OAS1: variants seen among roughly 807,000 people sequenced by gnomAD.
OAS1 encodes the protein 2'-5'-oligoadenylate synthetase 1.
In OAS1, 24 loss-of-function variants were observed where a neutral mutation model predicts 38.5. That is an observed-to-expected ratio of 0.62 (90% CI 0.45 to 0.88). OAS1 has a LOEUF of 0.88. Among genes scored for constraint, OAS1 ranks in the 40% least tolerant of loss-of-function variants. The pLI, the probability that OAS1 is intolerant of heterozygous loss-of-function variation, is 0.00. For missense variants in OAS1, 482 were observed against 493.9 expected (o/e 0.98, Z 0.23); for synonymous variants, 169 against 193.9 (o/e 0.87, Z 1.07).
chr12:112,910,689 A>C (rs2136301214), intron 2 of OAS1, among the ~76,000 whole-genome samples: 1 of 152,338 alleles, frequency 6.6e-6, no homozygotes, highest in East Asian at 1.9e-4. Flanking sequence ...TCCAGAGACC[A>C]GATCACACCA....
At chr12:112,912,614 CA>C (rs2043400792) in intron 3 of OAS1, among the ~76,000 whole-genome samples, 1 of 152,204 alleles carries the variant, frequency 6.6e-6, no homozygotes, top group Admixed American at 6.5e-5. Context: ...ACAAAAGCAG[CA>C]CTGCCCCCAG....
downstream of OAS1, among the ~76,000 whole-genome samples, chr12:112,924,602 A>G (rs10774676): frequency 0.74 from 113,055 of 151,992 alleles, 43,341 homozygotes; most frequent in African/African-American, 0.94. Flanking sequence ...GGTTTTTGTC[A>G]TATGTATTCC....
downstream of OAS1, chr12:112,932,489 A>T (rs2136336483): frequency 6.6e-6 from 1 of 152,652 alleles, no homozygotes. Context: ...GCTAATCAGG[A>T]GTCTGAGGCA....
At chr12:112,931,850 T>C in intron 6 of OAS1, 1 of 694,572 alleles carries the variant, frequency 1.4e-6, no homozygotes, top group Admixed American at 2.1e-5. Context: ...AATATGAGAG[T>C]GACACACACT....
chr12:112,927,954 C>T (rs2043570599), intron 6 of OAS1, among the ~76,000 whole-genome samples: 1 of 152,232 alleles, frequency 6.6e-6, no homozygotes, highest in African/African-American at 2.4e-5. Context: ...AAGACTGTAG[C>T]ATGCCTGAAG....
chr12:112,925,060 TAAA>T (rs1415874536), intron 6 of OAS1, among the ~76,000 whole-genome samples: 1 of 151,986 alleles, frequency 6.6e-6, no homozygotes, highest in East Asian at 1.9e-4. Flanking sequence ...AAAACAAAAC[TAAA>T]AAGAGTTAAT....
intron 6 of OAS1, among the ~76,000 whole-genome samples, chr12:112,930,008 G>C (rs536689477): frequency 1.3e-5 from 2 of 152,132 alleles, no homozygotes; most frequent in African/African-American, 4.8e-5. Flanking sequence ...GGCCTGTTGG[G>C]AGGTGATTGG....
downstream of OAS1, among the ~76,000 whole-genome samples, chr12:112,924,866 C>G (rs2043549336): frequency 6.6e-6 from 1 of 152,086 alleles, no homozygotes; most frequent in African/African-American, 2.4e-5. Context: ...TTGGCAGGCA[C>G]AGGCTACAGA....
downstream of OAS1, chr12:112,932,656 C>CTA: frequency 6.6e-6 from 1 of 152,430 alleles, no homozygotes. Flanking sequence ...AAAACTGCTG[C>CTA]TATTTACTCA....
intron 3 of OAS1, among the ~76,000 whole-genome samples, chr12:112,912,621 C>T (rs1259088553): frequency 2.6e-5 from 4 of 152,054 alleles, no homozygotes; most frequent in African/African-American, 9.7e-5. Flanking sequence ...CAGCACTGCC[C>T]CCAGGGACAT....
intron 3 of OAS1, among the ~76,000 whole-genome samples, chr12:112,912,542 G>A (rs2043399182): frequency 6.6e-6 from 1 of 152,180 alleles, no homozygotes; most frequent in South Asian, 2.1e-4. Flanking sequence ...CTAAGTGTTT[G>A]CTGTTCTATG....
In OAS1 at chr12:112,906,991, A is replaced by G. The variant is rs757458413; in HGVS notation, c.-49A>G. The stretch of plus-strand genomic sequence containing the variant: ...CAAGCTCAGTCAGCAGAAGAGATAA[A>G]AGCAAACAGGTCTGGGAGGCAGTTC... On this transcript the variant is annotated 5_prime_UTR_variant, in exon 1 of 6. Coordinates refer to ENST00000202917, the MANE Select transcript of OAS1 (RefSeq NM_016816.4). The G allele has an allele frequency of 6.2e-7, 1 of 1,601,932 alleles. No homozygotes were observed. The highest frequency in any genetic ancestry group is 8.5e-7 in the Non-Finnish European group (1 of 1,169,790).
chr12:112,929,870 C>T (rs1237271950), intron 6 of OAS1, among the ~76,000 whole-genome samples: 1 of 152,150 alleles, frequency 6.6e-6, no homozygotes, highest in African/African-American at 2.4e-5. Context: ...CTTGCCTTGC[C>T]TGTCCTTTGA....
intron 6 of OAS1, among the ~76,000 whole-genome samples, chr12:112,927,782 G>T (rs1035513609): frequency 3.9e-5 from 6 of 152,024 alleles, no homozygotes; most frequent in African/African-American, 1.5e-4. Context: ...TTTCCGCTGT[G>T]CTAATGTAGG....
intron 3 of OAS1, among the ~76,000 whole-genome samples, chr12:112,914,412 A>G (rs1242269992): frequency 1.3e-5 from 2 of 152,210 alleles, no homozygotes; most frequent in Non-Finnish European, 2.9e-5. Context: ...TGTGTGTGCA[A>G]GTATCTTTTT....
At chr12:112,907,241 C>T (rs756850392) in intron 1 of OAS1, 22 bp downstream of exon 1, 2 of 1,609,550 alleles carry the variant, frequency 1.2e-6, no homozygotes, top group Non-Finnish European at 1.7e-6. Context: ...CCTGCCTGGC[C>T]AGGGGAGGGG....
Position 112,919,380 on chromosome 12 carries a change from C to T in OAS1, c.1039-9C>T, listed in dbSNP as rs765768564. 6.2e-7 allele frequency: 1 copy of T among 1,607,602 alleles called. No individual in the cohort carries two copies. Among genetic ancestry groups the T allele is most frequent in the Non-Finnish European group, 8.5e-7 (1 of 1,175,580 alleles). ...CTCCCTGATGTGATCATGTGTCTCA[C>T]CCTTTCAGGCTGAAAGCAACAGTGC... On this transcript the variant is annotated splice_polypyrimidine_tract_variant and intron_variant, in intron 5 of 5. Coordinates refer to ENST00000202917, the MANE Select transcript of OAS1 (RefSeq NM_016816.4).
intron 6 of OAS1, among the ~76,000 whole-genome samples, chr12:112,926,693 T>C (rs559399645): frequency 1.4e-4 from 22 of 152,332 alleles, no homozygotes; most frequent in South Asian, 1.2e-3. Flanking sequence ...GGAAGTTTCA[T>C]GTTCCACTGT....
chr12:112,921,918 G>A (rs535014222), downstream of OAS1, among the ~76,000 whole-genome samples: 1 of 152,264 alleles, frequency 6.6e-6, no homozygotes, highest in South Asian at 2.1e-4. Context: ...CTTTTACCAA[G>A]CATGTCCTTT....
Sources: allele counts gnomAD v4.1 joint callset (sites outside exome capture counted in the v4.1 genomes callset), GRCh38; gene constraint gnomAD v4.1.1; transcripts MANE v1.5; gene names NCBI Gene and HGNC (gene_info 2026-07-23, HGNC 2026-07-21).